TMC1: variants seen among roughly 807,000 people sequenced by gnomAD.
TMC1 encodes transmembrane channel-like protein 1.
A neutral mutation model predicts 105.8 loss-of-function variants in TMC1; 84 were observed. The observed-to-expected ratio is 0.79, with a 90% CI of 0.67 to 0.95. TMC1 has a LOEUF of 0.95. Among genes scored for constraint, TMC1 ranks in the 40% least tolerant of loss-of-function variants. The pLI, the probability that TMC1 is intolerant of heterozygous loss-of-function variation, is 0.00. For missense variants in TMC1, 817 were observed against 914.1 expected (o/e 0.89, Z 1.37); for synonymous variants, 315 against 311.5 (o/e 1.01, Z -0.12).
chr9:72,602,214 A>G (rs544831508), intron 2 of TMC1, among the ~76,000 whole-genome samples: 2 of 152,184 alleles, frequency 1.3e-5, no homozygotes, highest in South Asian at 2.1e-4. Context: ...GCTAGGACAC[A>G]GGTGGTTTTA....
At chr9:72,758,584 A>G (rs974368194) in intron 12 of TMC1, among the ~76,000 whole-genome samples, 1 of 152,140 alleles carries the variant, frequency 6.6e-6, no homozygotes, top group African/African-American at 2.4e-5. Flanking sequence ...TCGTGCATAG[A>G]TGGTAGAGAT....
At chr9:72,711,017 G>A (rs762023166) in intron 8 of TMC1, among the ~76,000 whole-genome samples, 1 of 152,150 alleles carries the variant, frequency 6.6e-6, no homozygotes, top group Non-Finnish European at 1.5e-5. Flanking sequence ...AACATGTGGT[G>A]TTTAGTTTTC....
intron 10 of TMC1, among the ~76,000 whole-genome samples, chr9:72,750,207 A>G (rs1827560389): frequency 6.6e-6 from 1 of 152,202 alleles, no homozygotes. Flanking sequence ...GGAATTTGCT[A>G]CCCATGAACC....
rs1828856602 is a variant in TMC1 at position 72,820,830 on chromosome 9, T to C, written c.1764-12T>C. On this transcript the variant is annotated splice_polypyrimidine_tract_variant and intron_variant, in intron 19 of 23. Transcript: ENST00000297784. ...AGACTCAAAACTGAGCAGAGTTCTG[T>C]TTTCTTTCTAGGATGGGCTCCTTCT... 3 of 1,613,988 alleles carry C rather than the reference T, an allele frequency of 1.9e-6. No homozygotes were observed. The highest frequency in any genetic ancestry group is 2.5e-6 in the Non-Finnish European group (3 of 1,180,028).
At chr9:72,740,000 G>C in intron 8 of TMC1, 119 bp from the exon 9 acceptor site, 1 of 766,940 alleles carries the variant, frequency 1.3e-6, no homozygotes, top group East Asian at 2.7e-5. Context: ...AGGTTCACCT[G>C]TGAAGGATCT....
At chr9:72,810,605 C>T (rs1042295458) in intron 18 of TMC1, among the ~76,000 whole-genome samples, 4 of 151,900 alleles carry the variant, frequency 2.6e-5, no homozygotes, top group Admixed American at 6.6e-5. Flanking sequence ...CTTTTGTATA[C>T]GTATATATGT....
intron 5 of TMC1, among the ~76,000 whole-genome samples, chr9:72,677,710 T>C (rs1426941279): frequency 6.6e-6 from 1 of 151,950 alleles, no homozygotes; most frequent in Non-Finnish European, 1.5e-5. Flanking sequence ...AACTGAAAAA[T>C]GTTGGGATTG....
intron 5 of TMC1, among the ~76,000 whole-genome samples, chr9:72,681,635 C>T (rs898122925): frequency 3.3e-5 from 5 of 152,104 alleles, no homozygotes; most frequent in African/African-American, 9.7e-5. Context: ...TATAATTTCA[C>T]GTACAATAAA....
At chr9:72,769,285 C>T (rs1004822263) in intron 12 of TMC1, among the ~76,000 whole-genome samples, 1 of 152,164 alleles carries the variant, frequency 6.6e-6, no homozygotes, top group African/African-American at 2.4e-5. Flanking sequence ...ATAATAATTC[C>T]TCCCTTGTCC....
intron 2 of TMC1, among the ~76,000 whole-genome samples, chr9:72,597,333 A>G (rs1824737196): frequency 6.6e-6 from 1 of 152,184 alleles, no homozygotes. Flanking sequence ...TGCGCTCCTC[A>G]TGATAGTGCA....
Position 72,637,346 on chromosome 9 carries a change from G to A in TMC1, c.-53+9283G>A, listed in dbSNP as rs180745604. ...TTACCAAAACTCTCCTACTCTATAC[G>A]TTCTTCACCGTGATAATCCAAGAAG... is the stretch of plus-strand genomic sequence containing the variant. On this transcript the variant is annotated intron_variant, in intron 4 of 23. Transcript: ENST00000297784. Among the ~76,000 whole-genome samples, 44 of 151,726 alleles carry A rather than the reference G, an allele frequency of 2.9e-4. 1 individual carries two copies. Among genetic ancestry groups the A allele is most frequent in the Non-Finnish European group, 4.4e-5 (3 of 67,968 alleles).
intron 13 of TMC1, among the ~76,000 whole-genome samples, chr9:72,787,880 T>C (rs955163759): frequency 6.6e-6 from 1 of 152,186 alleles, no homozygotes; most frequent in South Asian, 2.1e-4. Flanking sequence ...TTTCTTTGCC[T>C]GGTTTAGTCC....
chr9:72,808,614 T>G (rs1473746592), intron 18 of TMC1, among the ~76,000 whole-genome samples: 2 of 152,252 alleles, frequency 1.3e-5, no homozygotes, highest in Non-Finnish European at 2.9e-5. Flanking sequence ...CAGCATGTGT[T>G]GGCTGGCTGT....
At chr9:72,606,006 C>T (rs1334349515) in intron 2 of TMC1, among the ~76,000 whole-genome samples, 2 of 152,146 alleles carry the variant, frequency 1.3e-5, no homozygotes, top group African/African-American at 2.4e-5. Flanking sequence ...TTTAGAGGCT[C>T]TATCTGCAAA....
At chr9:72,749,586 AGGGTG>A (rs1554724768) in intron 10 of TMC1, among the ~76,000 whole-genome samples, 1 of 152,100 alleles carries the variant, frequency 6.6e-6, no homozygotes, top group Non-Finnish European at 1.5e-5. Context: ...GGGCTGAGGT[AGGGTG>A]GGGTGGGGTT....
chr9:72,828,861 G>A (rs905521142), intron 21 of TMC1, among the ~76,000 whole-genome samples: 1 of 152,206 alleles, frequency 6.6e-6, no homozygotes, highest in African/African-American at 2.4e-5. Flanking sequence ...TAATTCGAGG[G>A]CCAGAGGCAA....
chr9:72,539,109 G>C (rs1186512396), intron 1 of TMC1, among the ~76,000 whole-genome samples: 1 of 151,946 alleles, frequency 6.6e-6, no homozygotes, highest in Admixed American at 6.6e-5. Flanking sequence ...TGCTGGGCAT[G>C]GTGACTCATG....
rs756234468 is a variant in TMC1 at position 72,836,076 on chromosome 9, C to T, written c.*103C>T. 9.9e-6 allele frequency: 13 copies of T among 1,307,648 alleles called. No individual in the cohort carries two copies. The highest frequency in any genetic ancestry group is 1.3e-5 in the Non-Finnish European group (12 of 910,732). 81.0% of individuals were successfully genotyped at this position (1,307,648 alleles called of 1,614,324 possible). ...ACAAGCACTGTGGAACTGCTATTTT[C>T]CTGTTCTACCCTTGATGGATTTTCA... is the stretch of plus-strand genomic sequence containing the variant. On this transcript the variant is annotated 3_prime_UTR_variant, in exon 24 of 24. Coordinates refer to ENST00000297784, the MANE Select transcript of TMC1 (RefSeq NM_138691.3).
intron 14 of TMC1, 58 bp from the exon 15 acceptor site, chr9:72,789,065 T>C: frequency 1.3e-6 from 2 of 1,534,356 alleles, no homozygotes; most frequent in Non-Finnish European, 1.8e-6. Context: ...ACTTTTAAAA[T>C]GTAGCTAAGA....
Sources: gnomAD v4.1 joint callset for allele counts (sites outside exome capture counted in the v4.1 genomes callset) on GRCh38, gnomAD v4.1.1 for gene constraint, MANE v1.5 for transcripts, NCBI Gene and HGNC (gene_info 2026-07-23, HGNC 2026-07-21) for gene names.